LPXN: variants seen among roughly 807,000 people sequenced by gnomAD.
LPXN encodes leupaxin.
Under a neutral mutation model 45.6 loss-of-function variants are expected in LPXN, and 28 were observed. The ratio of observed to expected loss-of-function variants is 0.61; its 90% CI spans 0.45 to 0.84. LPXN has a LOEUF of 0.84. LPXN is among the 40% of genes least tolerant of loss of function. The probability of loss-of-function intolerance (pLI) is 0.00; values close to 1 mark genes in which losing one functional copy is unlikely to be tolerated. For synonymous variants in LPXN, 166 were observed against 169.9 expected, an observed-to-expected ratio of 0.98 and a Z score of 0.18; for missense variants, 459 against 475.0, an observed-to-expected ratio of 0.97 and a Z score of 0.31.
chr11:58,572,739 G>A (rs1430230881), intron 1 of LPXN, among the ~76,000 whole-genome samples: 1 of 152,040 alleles, frequency 6.6e-6, no homozygotes, highest in African/African-American at 2.4e-5. Flanking sequence ...ATTTATTTTA[G>A]AGGTCAGTGT....
chr11:58,554,600 C>T (rs899681782), intron 4 of LPXN, among the ~76,000 whole-genome samples: 7 of 152,194 alleles, frequency 4.6e-5, no homozygotes, highest in Admixed American at 2.0e-4. Flanking sequence ...CACACTCCAG[C>T]TCCTTGAGAT....
chr11:58,542,846 G>C (rs1052118432), intron 7 of LPXN, among the ~76,000 whole-genome samples: 2 of 152,084 alleles, frequency 1.3e-5, no homozygotes, highest in African/African-American at 4.8e-5. Context: ...AACATTGGTA[G>C]GAAAAGTTTT....
At chr11:58,571,985 C>T (rs1185995236) in intron 1 of LPXN, among the ~76,000 whole-genome samples, 1 of 152,186 alleles carries the variant, frequency 6.6e-6, no homozygotes, top group Non-Finnish European at 1.5e-5. Flanking sequence ...TTACCTTGAG[C>T]ATGTCACATC....
intron 1 of LPXN, among the ~76,000 whole-genome samples, chr11:58,573,290 A>G (rs963467358): frequency 2.0e-5 from 3 of 151,836 alleles, no homozygotes; most frequent in Non-Finnish European, 2.9e-5. Flanking sequence ...AAGAAAAGAA[A>G]ACTAAGGTAG....
chr11:58,568,957 T>C (rs1396593435), intron 2 of LPXN, among the ~76,000 whole-genome samples: 2 of 152,202 alleles, frequency 1.3e-5, no homozygotes, highest in Non-Finnish European at 2.9e-5. Context: ...CCCTGGCTGC[T>C]TGAGAACAGA....
chr11:58,575,674 T>C (rs1854863590), intron 1 of LPXN, 86 bp downstream of exon 1: 1 of 1,457,624 alleles, frequency 6.9e-7, no homozygotes, highest in Non-Finnish European at 9.6e-7. Context: ...CTACCCTCAG[T>C]CTAGCCAGAA....
chr11:58,569,631 C>T (rs1363515709), intron 2 of LPXN, among the ~76,000 whole-genome samples: 6 of 149,096 alleles, frequency 4.0e-5, no homozygotes, highest in Admixed American at 6.6e-5. Flanking sequence ...TTCAAGTGAT[C>T]CCCCCGCCTC....
intron 7 of LPXN, among the ~76,000 whole-genome samples, chr11:58,538,057 A>C (rs1208787533): frequency 6.6e-6 from 1 of 151,838 alleles, no homozygotes; most frequent in East Asian, 1.9e-4. Flanking sequence ...TTTACTGAGA[A>C]TGATGATTTC....
chr11:58,546,776 G>A (rs565699468), intron 7 of LPXN, among the ~76,000 whole-genome samples: 39 of 152,156 alleles, frequency 2.6e-4, no homozygotes, highest in Admixed American at 1.0e-3. Flanking sequence ...GTAAACAAAT[G>A]TAAGGCACCA....
At chr11:58,557,812 A>G (rs1854250650) in intron 3 of LPXN, among the ~76,000 whole-genome samples, 1 of 152,222 alleles carries the variant, frequency 6.6e-6, no homozygotes, top group Non-Finnish European at 1.5e-5. Context: ...AACCCATAAC[A>G]TAATATTGTA....
chr11:58,578,091 C>G, upstream of LPXN: 1 of 1,546,742 alleles, frequency 6.5e-7, no homozygotes, highest in Non-Finnish European at 8.7e-7. Context: ...TCTGACCAAA[C>G]CAAGGCAAGT....
At chr11:58,552,508 C>A (rs1006100472) in intron 4 of LPXN, among the ~76,000 whole-genome samples, 1 of 152,170 alleles carries the variant, frequency 6.6e-6, no homozygotes, top group Admixed American at 6.5e-5. Context: ...GCCTCCCATC[C>A]ACTGTCCTCC....
chr11:58,576,865 C>CTCA (rs1854907276), upstream of LPXN, among the ~76,000 whole-genome samples: 2 of 152,204 alleles, frequency 1.3e-5, no homozygotes, highest in Non-Finnish European at 2.9e-5. Flanking sequence ...CCAACTCGAA[C>CTCA]TCCTGAACTC....
At chr11:58,577,532 T>C (rs1175067160), upstream of LPXN, among the ~76,000 whole-genome samples, 1 of 152,194 alleles carries the variant, frequency 6.6e-6, no homozygotes, top group East Asian at 1.9e-4. Flanking sequence ...AAGGATGTTC[T>C]TGCAAATCGT....
chr11:58,533,553 G>T (rs1466981628), intron 7 of LPXN, among the ~76,000 whole-genome samples: 2 of 152,192 alleles, frequency 1.3e-5, no homozygotes, highest in African/African-American at 4.8e-5. Context: ...ACTGGTACCA[G>T]TCACTGCAAA....
chr11:58,564,555 T>C (rs1003819856), intron 2 of LPXN, among the ~76,000 whole-genome samples: 4 of 152,222 alleles, frequency 2.6e-5, no homozygotes, highest in African/African-American at 7.2e-5. Flanking sequence ...GAGGAGACTA[T>C]AATGTTATTA....
At chr11:58,577,465 T>C (rs2134374772), upstream of LPXN, among the ~76,000 whole-genome samples, 1 of 152,162 alleles carries the variant, frequency 6.6e-6, no homozygotes, top group South Asian at 2.1e-4. Context: ...CCAGATCTTG[T>C]TTCCAGCTTC....
chr11:58,575,962 T>A, upstream of LPXN: 1 of 1,420,894 alleles, frequency 7.0e-7, no homozygotes, highest in Non-Finnish European at 9.2e-7. Flanking sequence ...TTTCATAGGT[T>A]ACACAGTTTT....
At chr11:58,555,768 GCACACACA>G (rs5792108) in intron 3 of LPXN, among the ~76,000 whole-genome samples, 1 of 149,468 alleles carries the variant, frequency 6.7e-6, no homozygotes, top group East Asian at 2.0e-4. Flanking sequence ...TCACACACAT[GCACACACA>G]CACACACACA....
Sources: allele counts gnomAD v4.1 joint callset (sites outside exome capture counted in the v4.1 genomes callset), GRCh38; gene constraint gnomAD v4.1.1; transcripts MANE v1.5; gene names NCBI Gene and HGNC (gene_info 2026-07-23, HGNC 2026-07-21).